Variants in RPS6KA2 observed in about 807,000 individuals in gnomAD.
The protein encoded by RPS6KA2 is ribosomal protein S6 kinase A2, also known as ribosomal protein S6 kinase alpha-2.
In RPS6KA2, 42 loss-of-function variants were observed where a neutral mutation model predicts 91.8. That is an observed-to-expected ratio of 0.46 (90% CI 0.36 to 0.59). The LOEUF (loss-of-function observed/expected upper bound fraction) is 0.59. RPS6KA2 is among the 20% of genes least tolerant of loss of function. The probability of loss-of-function intolerance (pLI) is 0.00; values close to 1 mark genes in which losing one functional copy is unlikely to be tolerated. For missense variants in RPS6KA2, 798 were observed against 978.5 expected, an observed-to-expected ratio of 0.82 and a Z score of 2.46; for synonymous variants, 414 against 393.6, an observed-to-expected ratio of 1.05 and a Z score of -0.61.
intron 1 of RPS6KA2, among the ~76,000 whole-genome samples, chr6:166,558,816 C>T (rs1238446872): frequency 6.6e-6 from 1 of 152,188 alleles, no homozygotes; most frequent in Non-Finnish European, 1.5e-5. Context: ...TGGCTGGACA[C>T]GTGAACCCAT....
At chr6:166,684,391 C>G (rs975410461) in intron 2 of RPS6KA2, among the ~76,000 whole-genome samples, 10 of 152,218 alleles carry the variant, frequency 6.6e-5, no homozygotes, top group African/African-American at 2.4e-4. Context: ...CAGGCCTGCC[C>G]TGAGCTGCTA....
chr6:166,470,044 C>A, intron 10 of RPS6KA2, 139 bp from the exon 11 acceptor site: 1 of 739,642 alleles, frequency 1.4e-6, no homozygotes, highest in Non-Finnish European at 2.3e-6. Context: ...CACTCCTGCC[C>A]AAGGCACCTG....
At chr6:166,727,850 A>T (rs922085691) in intron 2 of RPS6KA2, among the ~76,000 whole-genome samples, 1 of 152,216 alleles carries the variant, frequency 6.6e-6, no homozygotes, top group Non-Finnish European at 1.5e-5. Context: ...CAAAGCTGAA[A>T]ATCAAAGGCC....
intron 1 of RPS6KA2, among the ~76,000 whole-genome samples, chr6:166,613,870 C>CGGCCTTCAGGACACAGTCGGGCTTTCCAT (rs1554236220): frequency 0.12 from 17,110 of 145,380 alleles, 1,321 homozygotes; most frequent in South Asian, 0.21. Flanking sequence ...GGGCTTTCCA[C>CGGCCTTCAGGACACAGTCGGGCTTTCCAT]GGCCTTCAGG....
At chr6:166,834,346 C>G (rs1179732458) in intron 2 of RPS6KA2, among the ~76,000 whole-genome samples, 1 of 152,154 alleles carries the variant, frequency 6.6e-6, no homozygotes, top group Admixed American at 6.5e-5. Flanking sequence ...GTTAAAATGT[C>G]TGTTCAGCAG....
chr6:166,822,405 C>G (rs1224093319), intron 2 of RPS6KA2, among the ~76,000 whole-genome samples: 2 of 152,210 alleles, frequency 1.3e-5, no homozygotes, highest in Admixed American at 6.5e-5. Flanking sequence ...GAGAGACAAC[C>G]AGGTGAGGAC....
intron 3 of RPS6KA2, among the ~76,000 whole-genome samples, chr6:166,515,134 C>G (rs191725211): frequency 1.3e-5 from 2 of 152,136 alleles, no homozygotes; most frequent in Non-Finnish European, 2.9e-5. Context: ...AGAGAGGATG[C>G]ACCATGATGT....
chr6:166,409,880 A>T lies in RPS6KA2; in HGVS notation c.*2882T>A, dbSNP rs183024773. Reference sequence around the variant, plus strand: ...ACATTAAGTACTATTATCACTTTAAAATTCAAACAATCTTCCAAACATCAA... The same window carrying T: ...ACATTAAGTACTATTATCACTTTAATATTCAAACAATCTTCCAAACATCAA... On this transcript the variant is annotated 3_prime_UTR_variant, in exon 21 of 21. Transcript: ENST00000265678. The T allele has an allele frequency of 1.1e-3, 161 of 152,656 alleles. No homozygotes were observed. The highest frequency in any genetic ancestry group is 3.8e-3 in the African/African-American group (158 of 41,586). The allele number at this position is 152,656 out of a possible 1,614,324, so 9.5% of individuals were successfully genotyped here.
intron 1 of RPS6KA2, chr6:166,544,527 A>G (rs1783765144): frequency 6.6e-6 from 1 of 152,162 alleles, no homozygotes; most frequent in African/African-American, 2.4e-5. Flanking sequence ...CGAAATAAAA[A>G]TAACTAGACA....
At position 166,500,625 on chromosome 6, in the gene RPS6KA2, G is replaced by A. The variant is rs975144261; in HGVS notation, c.604+262C>T. ...GGGACTCCTGAACTAAACACCCAGC[G>A]ACGCTGAAGGAGCCCAGCAAACAGA... On this transcript the variant is annotated intron_variant, in intron 7 of 20. Coordinates refer to ENST00000265678, the MANE Select transcript of RPS6KA2 (RefSeq NM_021135.6). This position sits in a 1 kb window ranked among gnomAD's most constrained non-coding sequence, Gnocchi z 4.3. 5.9e-5 allele frequency among the ~76,000 whole-genome samples: 9 copies of A among 152,198 alleles called. No individual in the cohort carries two copies. Among genetic ancestry groups the A allele is most frequent in the African/African-American group, 1.9e-4 (8 of 41,444 alleles).
chr6:166,569,363 C>T (rs1784610086), intron 1 of RPS6KA2, among the ~76,000 whole-genome samples: 2 of 152,242 alleles, frequency 1.3e-5, no homozygotes, highest in Admixed American at 1.3e-4. Flanking sequence ...GCCCTGGCCG[C>T]TTTCCAAGTG....
At chr6:166,838,773 T>C (rs1459273329) in intron 2 of RPS6KA2, among the ~76,000 whole-genome samples, 1 of 150,252 alleles carries the variant, frequency 6.7e-6, no homozygotes, top group Admixed American at 6.6e-5. Flanking sequence ...GATGTCCACG[T>C]GATAAGCCCC....
intron 2 of RPS6KA2, among the ~76,000 whole-genome samples, chr6:166,704,411 G>A (rs1055430836): frequency 2.7e-4 from 41 of 152,332 alleles, no homozygotes; most frequent in African/African-American, 9.1e-4. Flanking sequence ...TAAAACACAC[G>A]TGTAACTGAT....
chr6:166,583,504 T>C (rs1405865062), intron 1 of RPS6KA2, among the ~76,000 whole-genome samples: 1 of 152,214 alleles, frequency 6.6e-6, no homozygotes, highest in African/African-American at 2.4e-5. Flanking sequence ...CTCTGAGCTC[T>C]GGCCAGGCCG....
rs372017400 is a variant in RPS6KA2, at chr6:166,650,538, C to T, written c.124-111754G>A. 2.6e-5 allele frequency among the ~76,000 whole-genome samples: 4 copies of T among 152,274 alleles called. No homozygotes were observed. In the East Asian group the frequency reaches 7.7e-4, roughly 29 times the overall value. Reference sequence around the variant, plus strand: ...GGAGGAGGGGTCCGTGTTCACTGTCCTCTTTTCACGGCCATCACTTCCGGG... The same window carrying T: ...GGAGGAGGGGTCCGTGTTCACTGTCTTCTTTTCACGGCCATCACTTCCGGG... On this transcript the variant is annotated intron_variant, in intron 2 of 21. Transcript: ENST00000503859.
At chr6:166,773,346 C>G (rs1376660072) in intron 2 of RPS6KA2, among the ~76,000 whole-genome samples, 2 of 152,274 alleles carry the variant, frequency 1.3e-5, no homozygotes, top group East Asian at 3.9e-4. Context: ...ACAGGAAATC[C>G]TGACTCCTGA....
intron 11 of RPS6KA2, among the ~76,000 whole-genome samples, chr6:166,468,472 G>A (rs1780622881): frequency 6.6e-6 from 1 of 152,188 alleles, no homozygotes; most frequent in Non-Finnish European, 1.5e-5. Context: ...GTTTTATCCA[G>A]CACTGGTGTT....
intron 1 of RPS6KA2, among the ~76,000 whole-genome samples, chr6:166,599,981 T>C (rs539030851): frequency 1.5e-3 from 222 of 152,172 alleles, no homozygotes; most frequent in African/African-American, 5.1e-3. Flanking sequence ...CCTCCGTATA[T>C]GGGTGAGGGT....
At position 166,577,600 on chromosome 6, in the gene RPS6KA2, T is replaced by G. The variant is rs1009754265; in HGVS notation, c.100-38816A>C. On this transcript the variant is annotated intron_variant, in intron 1 of 20. Transcript: ENST00000265678. ...TTTGTTTTGGCCAATTTCTCCCCTT[T>G]GGAACAATAACTGTACCCCCATTGT... Among the ~76,000 whole-genome samples, 3 of 152,228 alleles carry G rather than the reference T, an allele frequency of 2.0e-5. 1 individual carries two copies. In the East Asian group the frequency reaches 5.8e-4, roughly 29 times the overall value.
Sources: gnomAD v4.1 joint callset for allele counts (sites outside exome capture counted in the v4.1 genomes callset) on GRCh38, gnomAD v4.1.1 for gene constraint, Gnocchi (gnomAD v3.1) non-coding constraint, MANE v1.5 for transcripts, NCBI Gene and HGNC (gene_info 2026-07-23, HGNC 2026-07-21) for gene names.